The following ROBO1 variants were observed in gnomAD, a reference collection of about 807,000 sequenced individuals.
ROBO1 encodes the protein roundabout guidance receptor 1, also known as roundabout homolog 1.
A neutral mutation model predicts 195.9 loss-of-function variants in ROBO1; 149 were observed. That is an observed-to-expected ratio of 0.76 (90% CI 0.67 to 0.87). The LOEUF is 0.87. ROBO1 is among the 40% of genes least tolerant of loss of function. The probability of loss-of-function intolerance (pLI) is 0.00; values close to 1 mark genes in which losing one functional copy is unlikely to be tolerated. For synonymous variants in ROBO1, 816 were observed against 733.2 expected (o/e 1.11, Z -1.82); for missense variants, 1,933 against 2,068.3 (o/e 0.93, Z 1.27).
At chr3:79,067,790 A>G (rs569538248) in intron 3 of ROBO1, among the ~76,000 whole-genome samples, 1 of 152,088 alleles carries the variant, frequency 6.6e-6, no homozygotes, top group Non-Finnish European at 1.5e-5. Flanking sequence ...GAGGGTTGGG[A>G]ACCTGAAAGT....
intron 2 of ROBO1, among the ~76,000 whole-genome samples, chr3:79,211,644 T>C (rs934832371): frequency 6.6e-6 from 1 of 152,114 alleles, no homozygotes; most frequent in African/African-American, 2.4e-5. Flanking sequence ...ACGTGTCAGG[T>C]AAGGAAATGA....
At chr3:78,643,394 G>C (rs1356216949) in intron 21 of ROBO1, among the ~76,000 whole-genome samples, 1 of 152,140 alleles carries the variant, frequency 6.6e-6, no homozygotes, top group African/African-American at 2.4e-5. Flanking sequence ...CTTATGTTAC[G>C]CACTTCATTG....
At chr3:79,229,239 CT>C (rs761023706) in intron 2 of ROBO1, among the ~76,000 whole-genome samples, 2 of 152,016 alleles carry the variant, frequency 1.3e-5, no homozygotes, top group Non-Finnish European at 2.9e-5. Flanking sequence ...ATTCCAAACA[CT>C]TTTTTGTTTG....
intron 3 of ROBO1, among the ~76,000 whole-genome samples, chr3:79,046,700 C>T (rs1327052283): frequency 6.6e-6 from 1 of 152,002 alleles, no homozygotes; most frequent in Non-Finnish European, 1.5e-5. Context: ...TTTCTGCCTG[C>T]ATTATGTTCG....
At chr3:79,629,457 T>A (rs1476373840) in intron 1 of ROBO1, among the ~76,000 whole-genome samples, 1 of 151,908 alleles carries the variant, frequency 6.6e-6, no homozygotes, top group African/African-American at 2.4e-5. Flanking sequence ...AAAATACAGA[T>A]ATAACATACC....
intron 2 of ROBO1, among the ~76,000 whole-genome samples, chr3:79,333,470 C>A (rs553309151): frequency 7.2e-5 from 11 of 152,050 alleles, no homozygotes; most frequent in Non-Finnish European, 1.2e-4. Flanking sequence ...GCATGCGTAA[C>A]CATGTAAATC....
chr3:79,087,020 C>T (rs1380514524), intron 3 of ROBO1, among the ~76,000 whole-genome samples: 1 of 151,968 alleles, frequency 6.6e-6, no homozygotes, highest in African/African-American at 2.4e-5. Context: ...TTAATAATTA[C>T]TGCAGCTGCT....
chr3:78,972,149 T>C (rs1035745255), intron 3 of ROBO1, among the ~76,000 whole-genome samples: 2 of 152,238 alleles, frequency 1.3e-5, no homozygotes, highest in Non-Finnish European at 2.9e-5. Flanking sequence ...ATTGGTCATA[T>C]GAGTTAATTC....
Position 79,747,473 on chromosome 3 carries a change from T to C in ROBO1, c.-51+20279A>G, listed in dbSNP as rs555360718. ...TTATACTCCTAAGAAAAAGTAAAAT[T>C]TTAATGGAAGAAGAAATTGGGAAGT... On this transcript the variant is annotated intron_variant, in intron 1 of 30. Coordinates refer to ENST00000464233, the MANE Select transcript of ROBO1 (RefSeq NM_002941.4). 2.0e-5 allele frequency among the ~76,000 whole-genome samples: 3 copies of C among 152,106 alleles called. No homozygotes were observed. The East Asian group carries it at 5.8e-4, about 29-fold the overall frequency.
chr3:78,637,972 TG>T (rs752642747), intron 22 of ROBO1, among the ~76,000 whole-genome samples: 1 of 144,078 alleles, frequency 6.9e-6, no homozygotes, highest in South Asian at 2.2e-4. Flanking sequence ...TTGGCAATAT[TG>T]GGTTTTTTTT....
At chr3:78,930,260 T>C (rs888476503) in intron 4 of ROBO1, among the ~76,000 whole-genome samples, 2 of 152,172 alleles carry the variant, frequency 1.3e-5, no homozygotes, top group African/African-American at 4.8e-5. Flanking sequence ...ATTTCTGAGT[T>C]CCATGTTAGA....
chr3:79,317,301 C>A (rs1248275264), intron 2 of ROBO1, among the ~76,000 whole-genome samples: 1 of 152,084 alleles, frequency 6.6e-6, no homozygotes, highest in Non-Finnish European at 1.5e-5. Context: ...CACATCAATT[C>A]TCTTCCTATT....
intron 2 of ROBO1, among the ~76,000 whole-genome samples, chr3:79,417,145 G>C (rs1325931824): frequency 6.6e-6 from 1 of 152,248 alleles, no homozygotes; most frequent in Admixed American, 6.5e-5. Flanking sequence ...TGTGGACTGA[G>C]ATTCTATTGA....
At chr3:79,745,304 CAAAGGAAATAATCGTATT>C (rs1703827174) in intron 1 of ROBO1, among the ~76,000 whole-genome samples, 1 of 152,072 alleles carries the variant, frequency 6.6e-6, no homozygotes, top group Non-Finnish European at 1.5e-5. Context: ...TGTTAAAACA[CAAAGGAAATAATCGTATT>C]AATGTACATG....
At chr3:79,450,807 A>G (rs931156392) in intron 2 of ROBO1, among the ~76,000 whole-genome samples, 2 of 151,938 alleles carry the variant, frequency 1.3e-5, no homozygotes, top group African/African-American at 4.8e-5. Flanking sequence ...TGACAACTAA[A>G]TGATAAAAAT....
intron 2 of ROBO1, among the ~76,000 whole-genome samples, chr3:79,335,665 C>A (rs1021347789): frequency 3.9e-5 from 6 of 152,256 alleles, no homozygotes; most frequent in African/African-American, 1.4e-4. Flanking sequence ...TCCAGCAGCT[C>A]TTTATAGCAG....
rs191545990 is a variant in ROBO1, at chr3:79,462,490, G to C, written c.88+127334C>G. 2.1e-3 allele frequency among the ~76,000 whole-genome samples: 327 copies of C among 152,314 alleles called. 1 individual carries two copies. Among genetic ancestry groups the C allele is most frequent in the African/African-American group, 7.5e-3 (310 of 41,560 alleles). On this transcript the variant is annotated intron_variant, in intron 2 of 30. Transcript: ENST00000464233. The stretch of plus-strand genomic sequence containing the variant: ...AGGTGACACATCAAATGACAACGGA[G>C]AGTAGGGACTATATGTGTAACCTTT...
chr3:79,024,736 G>T (rs1251836260), intron 3 of ROBO1, among the ~76,000 whole-genome samples: 3 of 152,114 alleles, frequency 2.0e-5, no homozygotes, highest in East Asian at 3.9e-4. Flanking sequence ...GACTACTGTG[G>T]TTATATCTCT....
chr3:78,891,289 C>T (rs989757875), intron 4 of ROBO1, among the ~76,000 whole-genome samples: 4 of 152,044 alleles, frequency 2.6e-5, no homozygotes, highest in Admixed American at 2.0e-4. Context: ...CTACAACCTT[C>T]GGAGAAGGAA....
Sources: allele counts gnomAD v4.1 joint callset (sites outside exome capture counted in the v4.1 genomes callset), GRCh38; gene constraint gnomAD v4.1.1; transcripts MANE v1.5; gene names NCBI Gene and HGNC (gene_info 2026-07-23, HGNC 2026-07-21).